Variants in DYNC1I1 observed in about 807,000 individuals in gnomAD.
DYNC1I1 encodes the protein cytoplasmic dynein 1 intermediate chain 1.
DYNC1I1 carries 43 observed loss-of-function variants against 86.6 expected under a neutral mutation model. The observed-to-expected ratio is 0.50, with a 90% CI of 0.39 to 0.64. The LOEUF (loss-of-function observed/expected upper bound fraction) is 0.64, where lower values mean the gene tolerates loss of function less well. DYNC1I1 is among the 30% of genes least tolerant of loss of function. The pLI is 0.00. For synonymous variants in DYNC1I1, 262 were observed against 283.7 expected (o/e 0.92, Z 0.77); for missense variants, 604 against 788.8 (o/e 0.77, Z 2.81).
At chr7:95,928,058 T>C (rs1791792486) in intron 6 of DYNC1I1, among the ~76,000 whole-genome samples, 1 of 152,192 alleles carries the variant, frequency 6.6e-6, no homozygotes, top group Admixed American at 6.5e-5. Flanking sequence ...CAGTTTGCTA[T>C]CAGACCCTAC....
At chr7:95,960,857 T>C (rs1792849564) in intron 6 of DYNC1I1, among the ~76,000 whole-genome samples, 1 of 152,156 alleles carries the variant, frequency 6.6e-6, no homozygotes, top group Admixed American at 6.5e-5. Flanking sequence ...CTAGACCTGT[T>C]TGAGTGATTT....
intron 6 of DYNC1I1, among the ~76,000 whole-genome samples, chr7:95,964,086 C>T (rs1430541822): frequency 6.6e-6 from 1 of 152,036 alleles, no homozygotes; most frequent in African/African-American, 2.4e-5. Flanking sequence ...GTTGTTAATG[C>T]CAGGATAAAA....
intron 5 of DYNC1I1, among the ~76,000 whole-genome samples, chr7:95,836,999 C>T (rs56680341): frequency 0.093 from 14,122 of 151,884 alleles, 665 homozygotes; most frequent in South Asian, 0.14. Flanking sequence ...AGCTTTGTTC[C>T]GTTGCTGGTG....
chr7:95,977,142 C>G (rs1040970550), intron 6 of DYNC1I1, among the ~76,000 whole-genome samples: 2 of 152,114 alleles, frequency 1.3e-5, no homozygotes, highest in Non-Finnish European at 2.9e-5. Flanking sequence ...AACAGGTGTT[C>G]CCTGTGGGAA....
At chr7:95,838,181 CT>C (rs1584267191) in intron 5 of DYNC1I1, among the ~76,000 whole-genome samples, 1 of 152,186 alleles carries the variant, frequency 6.6e-6, no homozygotes, top group Non-Finnish European at 1.5e-5. Context: ...ACATTTATAT[CT>C]TTTATCCATT....
chr7:95,801,155 C>G (rs1463237179), intron 1 of DYNC1I1, among the ~76,000 whole-genome samples: 1 of 152,040 alleles, frequency 6.6e-6, no homozygotes, highest in Non-Finnish European at 1.5e-5. Context: ...AATGGAAAGC[C>G]CTTTACAGTT....
chr7:96,035,663 T>G lies in DYNC1I1; in HGVS notation c.1275T>G (p.Val425=). 6.2e-7 allele frequency: 1 copy of G among 1,611,768 alleles called. No homozygotes were observed. Among genetic ancestry groups the G allele is most frequent in the Non-Finnish European group, 8.5e-7 (1 of 1,178,942 alleles). The part of the protein sequence containing the change: ...LVYNKSKPVA[V]TGMAFPTGDV... Reference sequence around the variant, plus strand: ...ACAATAAGTCCAAGCCTGTCGCTGTTACCGGAATGGCTTTCCCAACGGGAG... The same window carrying G: ...ACAATAAGTCCAAGCCTGTCGCTGTGACCGGAATGGCTTTCCCAACGGGAG... The change falls in exon 13 of 17, where the codon GTT becomes GTG. Residue 425 remains valine (V), a synonymous_variant. Transcript: ENST00000447467.
chr7:95,782,946 T>TCTCTGCCA (rs1281235268), intron 1 of DYNC1I1, among the ~76,000 whole-genome samples: 1 of 152,018 alleles, frequency 6.6e-6, no homozygotes. Flanking sequence ...CTGGTGCTCC[T>TCTCTGCCA]CTCTGCCACT....
At chr7:95,825,636 A>G (rs947776390) in intron 4 of DYNC1I1, among the ~76,000 whole-genome samples, 1 of 152,216 alleles carries the variant, frequency 6.6e-6, no homozygotes, top group African/African-American at 2.4e-5. Flanking sequence ...CCCTGGCTGC[A>G]CATTAGAATC....
At chr7:96,056,028 G>C (rs1789567265) in intron 14 of DYNC1I1, 1 of 140,518 alleles carries the variant, frequency 7.1e-6, no homozygotes, top group African/African-American at 2.8e-5. Flanking sequence ...TTTTAAACCA[G>C]AGTTCCTCTT....
At chr7:96,102,238 C>T (rs1791147301), downstream of DYNC1I1, among the ~76,000 whole-genome samples, 1 of 152,194 alleles carries the variant, frequency 6.6e-6, no homozygotes, top group African/African-American at 2.4e-5. Flanking sequence ...CTCTCTCCCT[C>T]TGTAATACTC....
At position 95,823,655 on chromosome 7, in the gene DYNC1I1, A is replaced by G. The variant is rs563626936; in HGVS notation, c.315-4402A>G. Among the ~76,000 whole-genome samples, 610 of 151,910 alleles carry G rather than the reference A, an allele frequency of 4.0e-3. 12 individuals carry two copies. The highest frequency in any genetic ancestry group is 7.7e-4 in the Non-Finnish European group (52 of 67,968). On this transcript the variant is annotated intron_variant, in intron 4 of 16. Coordinates refer to ENST00000447467, the MANE Select transcript of DYNC1I1 (RefSeq NM_001135556.2). ...CATAGTTAAACATTCAGCATCACCT[A>G]CTCTAGTCCCAAAGATACTGCTGGA...
At chr7:95,794,253 A>G (rs537365181) in intron 1 of DYNC1I1, among the ~76,000 whole-genome samples, 17 of 152,190 alleles carry the variant, frequency 1.1e-4, no homozygotes, top group Admixed American at 5.2e-4. Flanking sequence ...CAGTGACCCA[A>G]TTCCAAAATA....
At chr7:96,070,621 C>T (rs1476437478) in intron 14 of DYNC1I1, among the ~76,000 whole-genome samples, 1 of 152,046 alleles carries the variant, frequency 6.6e-6, no homozygotes, top group African/African-American at 2.4e-5. Flanking sequence ...CCCACCGACC[C>T]ACATGGTACC....
chr7:95,891,179 A>G (rs1400149611), intron 6 of DYNC1I1, among the ~76,000 whole-genome samples: 2 of 152,214 alleles, frequency 1.3e-5, no homozygotes, highest in Admixed American at 6.5e-5. Flanking sequence ...AGCCAAGGAA[A>G]GAGGACTCAG....
intron 5 of DYNC1I1, among the ~76,000 whole-genome samples, chr7:95,841,053 A>G (rs980253438): frequency 3.3e-5 from 5 of 152,200 alleles, no homozygotes; most frequent in Non-Finnish European, 7.3e-5. Context: ...ACTCAGACGC[A>G]GGCTGTTTTA....
At chr7:95,854,460 T>A (rs1789663296) in intron 5 of DYNC1I1, among the ~76,000 whole-genome samples, 1 of 152,166 alleles carries the variant, frequency 6.6e-6, no homozygotes, top group Non-Finnish European at 1.5e-5. Context: ...TGACTCTGTG[T>A]CACAATATGT....
chr7:95,924,133 C>T (rs319324), intron 6 of DYNC1I1, among the ~76,000 whole-genome samples: 100,166 of 152,028 alleles, frequency 0.66, 33,727 homozygotes, highest in African/African-American at 0.79. Flanking sequence ...CAGAGCATCT[C>T]CCCAAGTTTC....
At chr7:95,892,350 C>A (rs2116273436) in intron 6 of DYNC1I1, among the ~76,000 whole-genome samples, 1 of 151,884 alleles carries the variant, frequency 6.6e-6, no homozygotes, top group African/African-American at 2.4e-5. Flanking sequence ...TGCTCTGTCG[C>A]CCAGGCGGGA....
Sources: gnomAD v4.1 joint callset for allele counts (sites outside exome capture counted in the v4.1 genomes callset) on GRCh38, gnomAD v4.1.1 for gene constraint, MANE v1.5 for transcripts, NCBI Gene and HGNC (gene_info 2026-07-23, HGNC 2026-07-21) for gene names.